The following SPECC1 variants were observed in gnomAD, a reference collection of about 807,000 sequenced individuals.
SPECC1 encodes the protein sperm antigen with calponin homology and coiled-coil domains 1, also known as cytospin-B.
A neutral mutation model predicts 104.1 loss-of-function variants in SPECC1; 62 were observed. That is an observed-to-expected ratio of 0.60 (90% CI 0.49 to 0.74). The LOEUF is 0.74. SPECC1 is among the 30% of genes least tolerant of loss of function. The pLI is 0.00. For missense variants in SPECC1, 1,306 were observed against 1,310.5 expected (o/e 1.00, Z 0.05); for synonymous variants, 513 against 501.6 (o/e 1.02, Z -0.30).
chr17:20,028,545 A>G (rs1232929987), intron 1 of SPECC1, among the ~76,000 whole-genome samples: 8 of 151,912 alleles, frequency 5.3e-5, no homozygotes, highest in East Asian at 3.9e-4. Context: ...TGTACTCTCA[A>G]TTATATTCCA....
At chr17:20,136,382 G>A (rs979183075) in intron 3 of SPECC1, among the ~76,000 whole-genome samples, 9 of 149,218 alleles carry the variant, frequency 6.0e-5, no homozygotes, top group Non-Finnish European at 1.2e-4. Context: ...CCAAGATCAC[G>A]CCACTGCACT....
intron 1 of SPECC1, among the ~76,000 whole-genome samples, chr17:20,023,435 TTAA>T (rs1233905661): frequency 1.3e-5 from 2 of 152,114 alleles, no homozygotes; most frequent in Non-Finnish European, 2.9e-5. Flanking sequence ...TCTATTCAGC[TTAA>T]TGTCTGGGTG....
intron 12 of SPECC1, among the ~76,000 whole-genome samples, chr17:20,263,065 C>T (rs2040084888): frequency 6.6e-6 from 1 of 151,502 alleles, no homozygotes; most frequent in Non-Finnish European, 1.5e-5. Context: ...CGCCTCAGAC[C>T]CTTGTTTATT....
rs2049363126 is a variant in SPECC1 at position 20,127,378 on chromosome 17, G to A, written c.283+16816G>A. Among the ~76,000 whole-genome samples, 5 of 151,404 alleles carry A rather than the reference G, an allele frequency of 3.3e-5. No homozygotes were observed. The South Asian group carries it at 1.0e-3, about 32-fold the overall frequency. ...ATCTTTACAGAGGGAAGCTAGTATT[G>A]GTCCAAAAATCAGAAATTGAGAGGG... On this transcript the variant is annotated intron_variant, in intron 3 of 14. Coordinates refer to ENST00000395527, the MANE Select transcript of SPECC1 (RefSeq NM_001243439.2).
chr17:20,083,380 T>G (rs961096355), intron 1 of SPECC1, among the ~76,000 whole-genome samples: 1 of 152,188 alleles, frequency 6.6e-6, no homozygotes, highest in Non-Finnish European at 1.5e-5. Flanking sequence ...CAACACCAAA[T>G]CACATTTGTC....
rs571137361 is a variant in SPECC1, at chr17:20,042,505, G to T, written c.-22+33081G>T. Among the ~76,000 whole-genome samples, 33 of 152,208 alleles carry T rather than the reference G, an allele frequency of 2.2e-4. No individual in the cohort carries two copies. The South Asian group carries it at 3.3e-3, about 15-fold the overall frequency. On this transcript the variant is annotated intron_variant, in intron 1 of 14. Coordinates refer to ENST00000395527, the MANE Select transcript of SPECC1 (RefSeq NM_001243439.2). ...AGTCCAGGTTCCCCTGACACTGCTGGCGGGTGAGGGATGGGCTCCTTACTA... is the reference window on the plus strand; with the variant it reads ...AGTCCAGGTTCCCCTGACACTGCTGTCGGGTGAGGGATGGGCTCCTTACTA...
intron 4 of SPECC1, among the ~76,000 whole-genome samples, chr17:20,216,607 C>T (rs1224187210): frequency 2.0e-5 from 3 of 152,064 alleles, no homozygotes; most frequent in Admixed American, 6.6e-5. Flanking sequence ...CTGGGCCCTG[C>T]GTAGGAACCT....
intron 12 of SPECC1, 57 bp downstream of exon 12, chr17:20,260,351 C>A: frequency 1.4e-6 from 2 of 1,452,450 alleles, no homozygotes; most frequent in Non-Finnish European, 1.9e-6. Flanking sequence ...AGTCCTGTGC[C>A]AATACATGTT....
intron 8 of SPECC1, among the ~76,000 whole-genome samples, chr17:20,246,380 A>G (rs1193457865): frequency 2.6e-5 from 4 of 152,024 alleles, no homozygotes; most frequent in African/African-American, 9.7e-5. Context: ...GGTCACTACT[A>G]TTTGCCTTTT....
intron 12 of SPECC1, among the ~76,000 whole-genome samples, chr17:20,262,616 TAAC>T (rs2040068802): frequency 6.6e-6 from 1 of 152,174 alleles, no homozygotes; most frequent in Non-Finnish European, 1.5e-5. Context: ...ACTGCATTCT[TAAC>T]AATATTTTGC....
At chr17:20,238,572 G>T (rs2039046392) in intron 7 of SPECC1, 2 of 1,042,970 alleles carry the variant, frequency 1.9e-6, no homozygotes, top group African/African-American at 1.7e-5. Context: ...TGTCAAACTG[G>T]ACAGCACAGA....
Position 20,205,345 on chromosome 17 carries a change from G to A in SPECC1, c.1296G>A (p.Arg432=), listed in dbSNP as rs760057148. The change falls in exon 4 of 15, where the codon AGG becomes AGA. Residue 432 remains arginine, a synonymous_variant. Transcript: ENST00000395527. ...LETSFHQHRE[R]AEQLSQENEK... ...CATCCTTTCATCAGCATCGAGAGAGGGCAGAGCAGCTAAGTCAAGAAAATG... is the reference window on the plus strand; with the variant it reads ...CATCCTTTCATCAGCATCGAGAGAGAGCAGAGCAGCTAAGTCAAGAAAATG... 15 of 1,613,974 alleles carry A rather than the reference G, an allele frequency of 9.3e-6. No individual in the cohort carries two copies. In the South Asian group the frequency reaches 1.4e-4, roughly 15 times the overall value.
At chr17:20,304,932 G>A (rs993723215) in intron 13 of SPECC1, among the ~76,000 whole-genome samples, 1 of 151,906 alleles carries the variant, frequency 6.6e-6, no homozygotes, top group Non-Finnish European at 1.5e-5. Flanking sequence ...TGAGAAGGAG[G>A]CACAAAGCCC....
chr17:20,312,952 C>T (rs1377558702), intron 14 of SPECC1, among the ~76,000 whole-genome samples: 5 of 152,184 alleles, frequency 3.3e-5, no homozygotes, highest in Admixed American at 3.3e-4. Context: ...TTCAGCCTTA[C>T]TTTTCCATGG....
At chr17:20,238,096 C>T (rs1035147058) in intron 7 of SPECC1, 7 of 1,026,868 alleles carry the variant, frequency 6.8e-6, no homozygotes, top group East Asian at 6.3e-5. Flanking sequence ...TTCATTACCT[C>T]GTCTGAAACA....
In SPECC1 at chr17:20,281,398, A is replaced by T. The variant is rs150109141; in HGVS notation, c.2941-15563A>T. On this transcript the variant is annotated intron_variant, in intron 12 of 14. Transcript: ENST00000395527. Reference sequence around the variant, plus strand: ...CCCCAGAGTTCATCCTGCCTCCTGCACACCCCAGGCTCAGGCTGTCCTGCC... The same window carrying T: ...CCCCAGAGTTCATCCTGCCTCCTGCTCACCCCAGGCTCAGGCTGTCCTGCC... Among the ~76,000 whole-genome samples, 867 of 152,216 alleles carry T rather than the reference A, an allele frequency of 5.7e-3. 1 individual carries two copies. Among genetic ancestry groups the T allele is most frequent in the Non-Finnish European group, 8.7e-3 (590 of 68,008 alleles).
At chr17:20,063,313 G>A (rs2046253260) in intron 1 of SPECC1, among the ~76,000 whole-genome samples, 1 of 151,810 alleles carries the variant, frequency 6.6e-6, no homozygotes, top group Admixed American at 6.6e-5. Flanking sequence ...AGTTAATTTT[G>A]GTATTCTATG....
intron 1 of SPECC1, among the ~76,000 whole-genome samples, chr17:20,093,702 T>A (rs2047504970): frequency 6.7e-6 from 1 of 148,150 alleles, no homozygotes; most frequent in Non-Finnish European, 1.5e-5. Flanking sequence ...ATATTGTGGG[T>A]TTTTTGTTTT....
chr17:20,156,142 C>G (rs2032478075), intron 3 of SPECC1: 2 of 1,413,366 alleles, frequency 1.4e-6, no homozygotes, highest in African/African-American at 3.0e-5. Context: ...GAGCTCGGCA[C>G]GGTGGACACC....
Sources: gnomAD v4.1 joint callset for allele counts (sites outside exome capture counted in the v4.1 genomes callset) on GRCh38, gnomAD v4.1.1 for gene constraint, MANE v1.5 for transcripts, NCBI Gene and HGNC (gene_info 2026-07-23, HGNC 2026-07-21) for gene names.